DAB1: variants seen among roughly 807,000 people sequenced by gnomAD.
DAB1 encodes DAB adaptor protein 1.
In DAB1, 15 loss-of-function variants were observed where a neutral mutation model predicts 64.6. That is an observed-to-expected ratio of 0.23 (90% CI 0.16 to 0.36). The LOEUF (loss-of-function observed/expected upper bound fraction) is 0.36. Ranked by LOEUF, DAB1 falls within the 10% of genes least tolerant of loss-of-function variation. The pLI, the probability that DAB1 is intolerant of heterozygous loss-of-function variation, is 1.00. For synonymous variants in DAB1, 235 were observed against 251.9 expected (o/e 0.93, Z 0.64); for missense variants, 596 against 706.7 (o/e 0.84, Z 1.78).
At position 57,187,718 on chromosome 1, in the gene DAB1, AC is replaced by A. The variant is rs562833826; in HGVS notation, c.68-42290del. Among the ~76,000 whole-genome samples the A allele has an allele frequency of 3.9e-3, 594 of 152,350 alleles. 3 individuals are homozygous for A. The highest frequency in any genetic ancestry group is 6.5e-3 in the Non-Finnish European group (440 of 68,038). The stretch of plus-strand genomic sequence containing the variant: ...AAAGAGGTTAAGAAACTTGCCAACA[AC>A]GACTTGTGTCATAAATCGTGAAGCT... On this transcript the variant is annotated intron_variant, in intron 2 of 14. Coordinates refer to ENST00000371236, the MANE Select transcript of DAB1 (RefSeq NM_001365792.1).
intron 5 of DAB1, among the ~76,000 whole-genome samples, chr1:57,899,479 G>A (rs1442050147): frequency 2.6e-5 from 4 of 152,044 alleles, no homozygotes; most frequent in Admixed American, 2.6e-4. Flanking sequence ...TAAATAATTA[G>A]GGCACACAGA....
chr1:57,075,070 C>T (rs575996900), intron 4 of DAB1, among the ~76,000 whole-genome samples: 27 of 152,248 alleles, frequency 1.8e-4, no homozygotes, highest in African/African-American at 6.3e-4. Context: ...GTATCTCTCT[C>T]GCTGCATAAT....
intron 5 of DAB1, among the ~76,000 whole-genome samples, chr1:58,025,248 T>C (rs1231139509): frequency 6.6e-6 from 1 of 152,088 alleles, no homozygotes; most frequent in Non-Finnish European, 1.5e-5. Context: ...TTGCTGGAAG[T>C]GTTTTCGTGG....
chr1:57,649,691 T>TA (rs1273978892), intron 6 of DAB1: 1 of 152,174 alleles, frequency 6.6e-6, no homozygotes, highest in Non-Finnish European at 1.5e-5. Context: ...ACATGATATT[T>TA]AAAAAAGTAA....
chr1:58,275,871 A>G (rs1661431885), intron 4 of DAB1, among the ~76,000 whole-genome samples: 2 of 152,230 alleles, frequency 1.3e-5, no homozygotes, highest in South Asian at 2.1e-4. Context: ...ATATTTGTAT[A>G]TCAATGTTCA....
chr1:57,165,702 C>A (rs1269831391), intron 2 of DAB1, among the ~76,000 whole-genome samples: 1 of 152,184 alleles, frequency 6.6e-6, no homozygotes, highest in African/African-American at 2.4e-5. Flanking sequence ...GATCAAGAAA[C>A]TTGCCCAGAG....
intron 4 of DAB1, among the ~76,000 whole-genome samples, chr1:57,104,326 G>A (rs1360099020): frequency 6.6e-6 from 1 of 151,752 alleles, no homozygotes; most frequent in African/African-American, 2.4e-5. Flanking sequence ...CCACGTCTTG[G>A]TTGATGATGA....
At chr1:57,536,820 C>A (rs1048526092) in intron 7 of DAB1, among the ~76,000 whole-genome samples, 1 of 152,040 alleles carries the variant, frequency 6.6e-6, no homozygotes. Context: ...TTGTTCTATC[C>A]CTCCATGCTT....
chr1:57,223,285 C>T (rs1415723114), intron 2 of DAB1, among the ~76,000 whole-genome samples: 3 of 152,160 alleles, frequency 2.0e-5, no homozygotes, highest in Non-Finnish European at 4.4e-5. Flanking sequence ...TTTCCAGAAG[C>T]GTAGCACATC....
intron 5 of DAB1, among the ~76,000 whole-genome samples, chr1:57,932,228 G>A (rs373344447): frequency 1.3e-4 from 20 of 151,992 alleles, no homozygotes; most frequent in Non-Finnish European, 2.8e-4. Context: ...TTTTAAATTC[G>A]TTAAAGTTTG....
At position 57,576,026 on chromosome 1, in the gene DAB1, C is replaced by T. The variant is rs370566090; in HGVS notation, n.625+73566G>A. ...TCCAGATGTAATTACAGGCAGTCCC[C>T]AACTTAAAATAGTTCAATTTATGAT... On this transcript the variant is annotated intron_variant and non_coding_transcript_variant, in intron 7 of 20. Coordinates refer to the DAB1 transcript ENST00000485760. 9.2e-5 allele frequency among the ~76,000 whole-genome samples: 14 copies of T among 152,258 alleles called. No individual in the cohort carries two copies. In the South Asian group the frequency reaches 1.7e-3, roughly 18 times the overall value.
At chr1:58,539,563 T>G (rs997422239) in intron 1 of DAB1, among the ~76,000 whole-genome samples, 1 of 152,196 alleles carries the variant, frequency 6.6e-6, no homozygotes, top group Non-Finnish European at 1.5e-5. Flanking sequence ...TAATTTTTAG[T>G]TAGGGAAGAG....
At chr1:58,036,065 C>T (rs2100492217) in intron 5 of DAB1, among the ~76,000 whole-genome samples, 1 of 152,314 alleles carries the variant, frequency 6.6e-6, no homozygotes, top group Non-Finnish European at 1.5e-5. Flanking sequence ...AAAAAAGTCA[C>T]TAACAGGATA....
intron 7 of DAB1, among the ~76,000 whole-genome samples, chr1:57,609,743 T>C (rs1417775459): frequency 1.3e-5 from 2 of 152,176 alleles, no homozygotes; most frequent in Admixed American, 1.3e-4. Flanking sequence ...AAACAATATA[T>C]TTGCTAAAGT....
intron 1 of DAB1, among the ~76,000 whole-genome samples, chr1:57,359,561 C>T (rs1237842359): frequency 6.6e-6 from 1 of 151,938 alleles, no homozygotes; most frequent in Admixed American, 6.6e-5. Flanking sequence ...ATAGAACTAC[C>T]ATATGATCCA....
chr1:57,492,847 G>A (rs1644181166), intron 7 of DAB1, among the ~76,000 whole-genome samples: 1 of 152,162 alleles, frequency 6.6e-6, no homozygotes, highest in Non-Finnish European at 1.5e-5. Flanking sequence ...TGCACTTGCA[G>A]CTCTCTTTGC....
rs542495938 is a variant in DAB1 at position 57,050,300 on chromosome 1, A to G, written c.723+12584T>C. ...GCCAAGCCACCTGCCACAAGCCACC[A>G]GAGGTACACTGAAAAAAGCAAAACT... On this transcript the variant is annotated intron_variant, in intron 9 of 14. Coordinates refer to ENST00000371236, the MANE Select transcript of DAB1 (RefSeq NM_001365792.1). Among the ~76,000 whole-genome samples the G allele has an allele frequency of 1.5e-3, 221 of 151,590 alleles. 1 individual carries two copies. The highest frequency in any genetic ancestry group is 1.5e-3 in the Non-Finnish European group (105 of 68,028).
intron 2 of DAB1, among the ~76,000 whole-genome samples, chr1:57,275,045 A>G (rs1359068859): frequency 1.3e-5 from 2 of 152,156 alleles, no homozygotes; most frequent in Non-Finnish European, 2.9e-5. Context: ...TTTCCTTCCA[A>G]GATCTTTATT....
chr1:57,219,709 C>T (rs1245267811), intron 2 of DAB1, among the ~76,000 whole-genome samples: 1 of 152,192 alleles, frequency 6.6e-6, no homozygotes, highest in African/African-American at 2.4e-5. Flanking sequence ...CTTCTAGGAG[C>T]TCAGTTCAAG....
Sources: allele counts gnomAD v4.1 joint callset (sites outside exome capture counted in the v4.1 genomes callset), GRCh38; gene constraint gnomAD v4.1.1; transcripts MANE v1.5; gene names NCBI Gene and HGNC (gene_info 2026-07-23, HGNC 2026-07-21).